NEXMIF: variants seen among roughly 807,000 people sequenced by gnomAD.
NEXMIF encodes the protein XLMR protein related to neurite extension.
In NEXMIF, 8 loss-of-function variants were observed where a neutral mutation model predicts 62.1. The observed-to-expected ratio is 0.13, with a 90% CI of 0.08 to 0.23. The LOEUF is 0.23. Among genes scored for constraint, NEXMIF ranks in the 10% least tolerant of loss-of-function variants. NEXMIF has a pLI of 1.00. For synonymous variants in NEXMIF, 404 were observed against 416.6 expected (o/e 0.97, Z 0.37); for missense variants, 976 against 1,113.3 (o/e 0.88, Z 1.75).
chrX:74,863,065 G>T (rs1250806952), intron 1 of NEXMIF, among the ~76,000 whole-genome samples: 1 of 109,529 alleles, frequency 9.1e-6, no homozygotes, highest in African/African-American at 3.3e-5. Context: ...CCCCCTATTC[G>T]GGAGGCTGAG....
chrX:74,805,978 T>C (rs926513375), intron 1 of NEXMIF, among the ~76,000 whole-genome samples: 2 of 108,104 alleles, frequency 1.9e-5, no homozygotes, highest in Non-Finnish European at 3.9e-5. Flanking sequence ...TGGCTATTCA[T>C]TTTTTTTTTG....
At chrX:74,908,716 C>G (rs926326442) in intron 1 of NEXMIF, among the ~76,000 whole-genome samples, 2 of 112,456 alleles carry the variant, frequency 1.8e-5, no homozygotes, top group Non-Finnish European at 3.8e-5. Context: ...ACACAACCAC[C>G]CACCCCACAG....
At chrX:74,881,392 GCACACACACA>G (rs367805528) in intron 1 of NEXMIF, among the ~76,000 whole-genome samples, 4 of 88,585 alleles carry the variant, frequency 4.5e-5, no homozygotes, top group South Asian at 6.9e-4. Context: ...ACATACACAT[GCACACACACA>G]CACACACACA....
intron 1 of NEXMIF, among the ~76,000 whole-genome samples, chrX:74,835,044 GCTCA>G (rs771238178): frequency 8.9e-6 from 1 of 111,761 alleles, no homozygotes; most frequent in African/African-American, 3.3e-5. Context: ...CTGTCTTCAA[GCTCA>G]CTAATTCTTT....
rs1230761746 is a variant in NEXMIF at position 74,766,256 on chromosome X, G to A, written c.-47-20559C>T. On this transcript the variant is annotated intron_variant, in intron 1 of 3. Coordinates refer to ENST00000055682, the MANE Select transcript of NEXMIF (RefSeq NM_001008537.3). ...TTGAATCTTGCAGGGATTGTCTGTA[G>A]TTCCCAAATTTGACTGTTGGCATCT... Among the ~76,000 whole-genome samples, 10 of 110,939 alleles carry A rather than the reference G, an allele frequency of 9.0e-5. No homozygotes were observed. The Admixed American group carries it at 9.6e-4, about 11-fold the overall frequency.
chrX:74,885,550 A>T (rs758462197), intron 1 of NEXMIF, among the ~76,000 whole-genome samples: 196 of 112,050 alleles, frequency 1.7e-3, no homozygotes, highest in African/African-American at 6.1e-3. Flanking sequence ...AATCTAGAAG[A>T]AATGGATAAA....
intron 1 of NEXMIF, among the ~76,000 whole-genome samples, chrX:74,872,297 A>T (rs960343167): frequency 9.0e-6 from 1 of 110,953 alleles, no homozygotes; most frequent in African/African-American, 3.3e-5. Flanking sequence ...ACTGGAGGTC[A>T]TTCTATTAAG....
intron 1 of NEXMIF, among the ~76,000 whole-genome samples, chrX:74,828,665 G>A (rs1165182474): frequency 8.9e-6 from 1 of 111,891 alleles, no homozygotes; most frequent in Non-Finnish European, 1.9e-5. Flanking sequence ...TGGTTTTAGT[G>A]GTCTTCTTGC....
intron 1 of NEXMIF, among the ~76,000 whole-genome samples, chrX:74,893,355 T>C (rs2080723632): frequency 1.8e-5 from 2 of 112,495 alleles, no homozygotes; most frequent in East Asian, 5.6e-4. Context: ...TTAGTTCTCA[T>C]GCTGCAGAGC....
chrX:74,783,479 A>G (rs2080252231), intron 1 of NEXMIF, among the ~76,000 whole-genome samples: 1 of 111,773 alleles, frequency 8.9e-6, no homozygotes, highest in Non-Finnish European at 1.9e-5. Context: ...CCTACATTAC[A>G]TTGTATATGA....
intron 1 of NEXMIF, among the ~76,000 whole-genome samples, chrX:74,829,453 T>C (rs1444607691): frequency 8.9e-6 from 1 of 112,334 alleles, no homozygotes; most frequent in Non-Finnish European, 1.9e-5. Flanking sequence ...CATTCATCTG[T>C]TGATAGACAC....
chrX:74,873,311 G>A (rs996284198), intron 1 of NEXMIF, among the ~76,000 whole-genome samples: 1 of 111,778 alleles, frequency 8.9e-6, no homozygotes, highest in African/African-American at 3.3e-5. Flanking sequence ...CCCTACAAAG[G>A]ACATGAACTC....
At chrX:74,915,027 G>A (rs979415051) in intron 1 of NEXMIF, among the ~76,000 whole-genome samples, 1 of 112,214 alleles carries the variant, frequency 8.9e-6, no homozygotes, top group Non-Finnish European at 1.9e-5. Context: ...TTGCAAGTTT[G>A]ATATGGCAAA....
chrX:74,879,394 A>G (rs1428609818), intron 1 of NEXMIF, among the ~76,000 whole-genome samples: 1 of 112,509 alleles, frequency 8.9e-6, no homozygotes, highest in Non-Finnish European at 1.9e-5. Flanking sequence ...CGTTATAATT[A>G]TCATCTATGA....
chrX:74,840,363 C>CA (rs1207203239), intron 1 of NEXMIF, among the ~76,000 whole-genome samples: 1 of 110,712 alleles, frequency 9.0e-6, no homozygotes, highest in African/African-American at 3.3e-5. Flanking sequence ...CTGTAGGTTG[C>CA]AAAAAAATCA....
Position 74,814,071 on chromosome X carries a change from G to A in NEXMIF, c.-47-68374C>T, listed in dbSNP as rs892466908. Among the ~76,000 whole-genome samples, 3 of 111,454 alleles carry A rather than the reference G, an allele frequency of 2.7e-5. No homozygotes were observed. The Admixed American group carries it at 2.9e-4, about 11-fold the overall frequency. On this transcript the variant is annotated intron_variant, in intron 1 of 3. Coordinates refer to ENST00000055682, the MANE Select transcript of NEXMIF (RefSeq NM_001008537.3). ...TCCCTGTAGCACATTCCAAGAAAAT[G>A]GACAACAGGTTACCTGTTCTCACTC... is the stretch of plus-strand genomic sequence containing the variant.
At chrX:74,788,189 T>A (rs1008873264) in intron 1 of NEXMIF, among the ~76,000 whole-genome samples, 1 of 111,884 alleles carries the variant, frequency 8.9e-6, no homozygotes, top group Admixed American at 9.5e-5. Flanking sequence ...TAGATAATAA[T>A]AAATTACCCA....
rs766869112 is a variant in NEXMIF at position 74,855,327 on chromosome X, C to T, written c.-48+69556G>A. On this transcript the variant is annotated intron_variant, in intron 1 of 3. Coordinates refer to ENST00000055682, the MANE Select transcript of NEXMIF (RefSeq NM_001008537.3). ...GTACATTGGGGAAAAATACTCTCTT[C>T]AATACATGTTGCTGGGAAAAATGGA... 6.2e-5 allele frequency among the ~76,000 whole-genome samples: 7 copies of T among 112,017 alleles called. No homozygotes were observed. The East Asian group carries it at 2.0e-3, about 31-fold the overall frequency.
intron 1 of NEXMIF, among the ~76,000 whole-genome samples, chrX:74,922,835 C>A (rs753160360): frequency 9.0e-6 from 1 of 111,563 alleles, no homozygotes; most frequent in Non-Finnish European, 1.9e-5. Flanking sequence ...ACCTTAAAAA[C>A]TGTCTAAAAG....
Sources: gnomAD v4.1 joint callset for allele counts (sites outside exome capture counted in the v4.1 genomes callset) on GRCh38, gnomAD v4.1.1 for gene constraint, MANE v1.5 for transcripts, NCBI Gene and HGNC (gene_info 2026-07-23, HGNC 2026-07-21) for gene names.